The following AP3B1 variants were observed in gnomAD, a reference collection of about 807,000 sequenced individuals.
AP3B1 encodes AP-3 complex subunit beta-1.
A neutral mutation model predicts 132.5 loss-of-function variants in AP3B1; 61 were observed. The ratio of observed to expected loss-of-function variants is 0.46; its 90% CI spans 0.37 to 0.57. The LOEUF (loss-of-function observed/expected upper bound fraction) is 0.57. AP3B1 is among the 20% of genes least tolerant of loss of function. AP3B1 has a pLI of 0.00. For synonymous variants in AP3B1, 388 were observed against 438.3 expected, an observed-to-expected ratio of 0.89 and a Z score of 1.43; for missense variants, 1,120 against 1,289.4, an observed-to-expected ratio of 0.87 and a Z score of 2.01.
At chr5:78,114,885 T>C (rs1751757565) in intron 18 of AP3B1, among the ~76,000 whole-genome samples, 1 of 152,256 alleles carries the variant, frequency 6.6e-6, no homozygotes, top group Non-Finnish European at 1.5e-5. Flanking sequence ...GCTCTTCTAC[T>C]TGCCAGTTGT....
intron 6 of AP3B1, among the ~76,000 whole-genome samples, chr5:78,220,982 G>C (rs1308875718): frequency 6.6e-6 from 1 of 152,088 alleles, no homozygotes; most frequent in Non-Finnish European, 1.5e-5. Context: ...TGGGGAGGTC[G>C]AGGCTGCAGT....
At chr5:78,090,444 C>T (rs1422887164) in intron 21 of AP3B1, among the ~76,000 whole-genome samples, 1 of 152,180 alleles carries the variant, frequency 6.6e-6, no homozygotes, top group Non-Finnish European at 1.5e-5. Context: ...GTCTTGGAGC[C>T]TTTTATATTC....
At chr5:78,120,315 A>G (rs570984150) in intron 17 of AP3B1, among the ~76,000 whole-genome samples, 2,358 of 152,256 alleles carry the variant, frequency 0.015, 27 homozygotes, top group African/African-American at 0.052. Context: ...TAACATCATA[A>G]TGACAGGACC....
intron 2 of AP3B1, among the ~76,000 whole-genome samples, chr5:78,244,275 T>C (rs1747276396): frequency 6.6e-6 from 1 of 151,916 alleles, no homozygotes; most frequent in African/African-American, 2.4e-5. Context: ...TAGCCAGGCA[T>C]GGTGGCAGAT....
chr5:78,204,194 A>G (rs1745412486), intron 7 of AP3B1, among the ~76,000 whole-genome samples: 1 of 152,198 alleles, frequency 6.6e-6, no homozygotes, highest in South Asian at 2.1e-4. Flanking sequence ...TAATGTGGTA[A>G]CTAACTCAGA....
At chr5:78,286,747 G>C (rs4593248) in intron 1 of AP3B1, among the ~76,000 whole-genome samples, 10 of 151,820 alleles carry the variant, frequency 6.6e-5, no homozygotes, top group Admixed American at 6.6e-4. Context: ...AATTAGGCTG[G>C]TTCCTATCAG....
chr5:78,106,601 T>C (rs1388942016), intron 20 of AP3B1, among the ~76,000 whole-genome samples: 1 of 152,170 alleles, frequency 6.6e-6, no homozygotes. Context: ...CATCTGGCAG[T>C]TGTATAGAAG....
intron 22 of AP3B1, among the ~76,000 whole-genome samples, chr5:78,074,007 T>A (rs888161590): frequency 6.6e-6 from 1 of 152,198 alleles, no homozygotes; most frequent in Non-Finnish European, 1.5e-5. Context: ...ATAATTAGCA[T>A]CTGATTCAGC....
At chr5:78,220,872 C>A (rs1165512442) in intron 6 of AP3B1, among the ~76,000 whole-genome samples, 1 of 152,040 alleles carries the variant, frequency 6.6e-6, no homozygotes, top group Non-Finnish European at 1.5e-5. Context: ...CACAGTGGGA[C>A]CCCATCTTTA....
intron 22 of AP3B1, among the ~76,000 whole-genome samples, chr5:78,074,792 T>A (rs1561388938): frequency 6.6e-6 from 1 of 152,014 alleles, no homozygotes. Context: ...CTACTAAAAA[T>A]ACAAAACTAG....
At chr5:78,226,236 T>C (rs977279539) in intron 5 of AP3B1, among the ~76,000 whole-genome samples, 3 of 152,090 alleles carry the variant, frequency 2.0e-5, no homozygotes, top group Admixed American at 2.0e-4. Flanking sequence ...GCATGGATCT[T>C]ATCCCATAAG....
At chr5:78,052,096 C>G (rs7729266) in intron 22 of AP3B1, among the ~76,000 whole-genome samples, 12,112 of 152,052 alleles carry the variant, frequency 0.08, 1,532 homozygotes, top group African/African-American at 0.27. Context: ...AATCTTCCAG[C>G]AAATATTACT....
chr5:78,208,607 G>C (rs1745608244), intron 7 of AP3B1, among the ~76,000 whole-genome samples: 1 of 152,114 alleles, frequency 6.6e-6, no homozygotes, highest in Non-Finnish European at 1.5e-5. Flanking sequence ...TTAGTATGTT[G>C]ATTATTTTTC....
At chr5:78,245,734 C>T (rs141971881) in intron 2 of AP3B1, among the ~76,000 whole-genome samples, 30 of 152,238 alleles carry the variant, frequency 2.0e-4, no homozygotes, top group Middle Eastern at 3.4e-3. Flanking sequence ...TTCCTGGTCC[C>T]CTTGTACTCT....
At chr5:78,116,325 C>T (rs947208754) in intron 17 of AP3B1, 91 bp from the exon 18 acceptor site, 2 of 1,188,138 alleles carry the variant, frequency 1.7e-6, no homozygotes, top group Admixed American at 1.8e-5. Flanking sequence ...TAACTGAATT[C>T]AAAAGCAAGC....
intron 24 of AP3B1, among the ~76,000 whole-genome samples, chr5:78,026,186 G>T (rs765293660): frequency 1.3e-5 from 2 of 152,160 alleles, no homozygotes; most frequent in Non-Finnish European, 2.9e-5. Context: ...ACTGATGATA[G>T]ATGTAAATTT....
chr5:78,015,065 A>G (rs1580240665), intron 26 of AP3B1, among the ~76,000 whole-genome samples: 2 of 152,330 alleles, frequency 1.3e-5, no homozygotes, highest in East Asian at 1.9e-4. Context: ...ACTGCTTTAT[A>G]GAATAGTTCT....
rs2112036817 is a variant in AP3B1 at position 78,007,509 on chromosome 5, G to A, written c.3132-4454C>T. Among the ~76,000 whole-genome samples the A allele has an allele frequency of 1.3e-5, 2 of 152,018 alleles. 1 individual carries two copies. Among genetic ancestry groups the A allele is most frequent in the South Asian group, 4.2e-4 (2 of 4,812 alleles). On this transcript the variant is annotated intron_variant, in intron 26 of 26. Coordinates refer to ENST00000255194, the MANE Select transcript of AP3B1 (RefSeq NM_003664.5). ...GAAGCAGACAGAATCCTATTAGTAA[G>A]AAAGACGATCACAAGATGCAGTGCC... is the stretch of plus-strand genomic sequence containing the variant.
intron 7 of AP3B1, among the ~76,000 whole-genome samples, chr5:78,189,304 C>G (rs72776467): frequency 0.18 from 27,970 of 151,920 alleles, 2,844 homozygotes; most frequent in Admixed American, 0.27. Flanking sequence ...TATGAACATA[C>G]CATCATATAG....
Sources: allele counts gnomAD v4.1 joint callset (sites outside exome capture counted in the v4.1 genomes callset), GRCh38; gene constraint gnomAD v4.1.1; transcripts MANE v1.5; gene names NCBI Gene and HGNC (gene_info 2026-07-23, HGNC 2026-07-21).